The following PRIM2 variants were observed in gnomAD, a reference collection of about 807,000 sequenced individuals.
The protein encoded by PRIM2 is DNA primase large subunit.
Under a neutral mutation model 67.3 loss-of-function variants are expected in PRIM2, and 39 were observed. The observed-to-expected ratio is 0.58, with a 90% CI of 0.45 to 0.76. PRIM2 has a LOEUF of 0.76. Ranked by LOEUF, PRIM2 falls within the 30% of genes least tolerant of loss-of-function variation. The pLI is 0.00. For missense variants in PRIM2, 398 were observed against 598.7 expected (o/e 0.66, Z 3.50); for synonymous variants, 143 against 198.7 (o/e 0.72, Z 2.36).
At chr6:57,450,092 T>C (rs1392244322) in intron 7 of PRIM2, among the ~76,000 whole-genome samples, 16 of 152,166 alleles carry the variant, frequency 1.1e-4, no homozygotes, top group African/African-American at 3.4e-4. Context: ...CAACTAAATA[T>C]AAATTTTGTT....
At chr6:57,593,831 G>T (rs1776322423) in intron 10 of PRIM2, among the ~76,000 whole-genome samples, 1 of 152,260 alleles carries the variant, frequency 6.6e-6, no homozygotes, top group South Asian at 2.1e-4. Context: ...TTTCCAGTAG[G>T]CTTGGAAGAG....
chr6:57,329,115 G>A (rs1278478630), intron 5 of PRIM2, among the ~76,000 whole-genome samples: 1 of 148,848 alleles, frequency 6.7e-6, no homozygotes, highest in Non-Finnish European at 1.5e-5. Context: ...TGATGGTATT[G>A]TTTGCAACAA....
chr6:57,481,369 T>C (rs1773624282), intron 7 of PRIM2, among the ~76,000 whole-genome samples: 1 of 152,160 alleles, frequency 6.6e-6, no homozygotes, highest in Non-Finnish European at 1.5e-5. Flanking sequence ...CATTTTAAGA[T>C]TGGCTGTTTT....
intron 10 of PRIM2, among the ~76,000 whole-genome samples, chr6:57,547,350 G>A (rs1271385682): frequency 1.3e-5 from 2 of 152,084 alleles, no homozygotes; most frequent in African/African-American, 2.4e-5. Context: ...CAGATAGTGA[G>A]CATAGTACCC....
intron 7 of PRIM2, among the ~76,000 whole-genome samples, chr6:57,438,777 C>CT (rs1021545964): frequency 2.6e-4 from 38 of 147,688 alleles, no homozygotes; most frequent in Admixed American, 4.7e-4. Context: ...TTTTTTTTTT[C>CT]TTTTTTTTTG....
chr6:57,520,632 T>C (rs1774592219), intron 8 of PRIM2, among the ~76,000 whole-genome samples: 1 of 152,232 alleles, frequency 6.6e-6, no homozygotes, highest in Non-Finnish European at 1.5e-5. Context: ...GTGTGTATTT[T>C]ACTTTTAAAA....
At chr6:57,432,965 AT>A (rs764041990) in intron 7 of PRIM2, among the ~76,000 whole-genome samples, 226 of 152,354 alleles carry the variant, frequency 1.5e-3, no homozygotes, top group Non-Finnish European at 3.5e-4. Context: ...AAATTCTACC[AT>A]TAGTACTTGC....
the PRIM2 span, among the ~76,000 whole-genome samples, chr6:57,250,247 T>C: frequency 6.6e-6 from 1 of 152,226 alleles, no homozygotes; most frequent in Non-Finnish European, 1.5e-5. Context: ...ATATGTGTCA[T>C]TTTTCTAGTG....
At chr6:57,479,475 CTG>C (rs1370365723) in intron 7 of PRIM2, among the ~76,000 whole-genome samples, 2 of 152,136 alleles carry the variant, frequency 1.3e-5, no homozygotes, top group Admixed American at 1.3e-4. Flanking sequence ...CAGGTCTTAA[CTG>C]AGAGAGAACT....
chr6:57,536,207 T>C (rs1692642917), intron 9 of PRIM2, among the ~76,000 whole-genome samples: 3 of 152,192 alleles, frequency 2.0e-5, no homozygotes, highest in Admixed American at 2.0e-4. Flanking sequence ...CTCTTTCTTA[T>C]AGATGAAGTG....
the PRIM2 span, among the ~76,000 whole-genome samples, chr6:57,229,689 A>G: frequency 2.0e-5 from 3 of 151,948 alleles, no homozygotes; most frequent in Non-Finnish European, 2.9e-5. Context: ...ACAGGGTTTC[A>G]CCATGTTGGC....
chr6:57,296,334 A>G, the PRIM2 span, among the ~76,000 whole-genome samples: 1 of 152,132 alleles, frequency 6.6e-6, no homozygotes, highest in African/African-American at 2.4e-5. Flanking sequence ...TACTTTATAT[A>G]TATATATTAT....
intron 10 of PRIM2, among the ~76,000 whole-genome samples, chr6:57,554,635 G>A (rs1287132547): frequency 0.58 from 88,828 of 151,996 alleles, 27,674 homozygotes; most frequent in African/African-American, 0.81. Flanking sequence ...AAGTTTTTAT[G>A]TTCTCCCCAC....
chr6:57,284,870 T>C, the PRIM2 span, among the ~76,000 whole-genome samples: 2 of 152,086 alleles, frequency 1.3e-5, no homozygotes, highest in South Asian at 2.1e-4. Flanking sequence ...ACAAAAAATA[T>C]AGACCACTAG....
At chr6:57,333,118 T>C (rs1232556747) in intron 5 of PRIM2, among the ~76,000 whole-genome samples, 1 of 152,192 alleles carries the variant, frequency 6.6e-6, no homozygotes, top group Non-Finnish European at 1.5e-5. Context: ...TAAGTTAATT[T>C]CAATAGTGTA....
At chr6:57,546,606 C>T (rs1212515036) in intron 10 of PRIM2, among the ~76,000 whole-genome samples, 2 of 151,794 alleles carry the variant, frequency 1.3e-5, no homozygotes, top group African/African-American at 4.8e-5. Context: ...TACTCATTCA[C>T]TTAGGCTTTT....
chr6:57,473,099 T>G (rs1211298114), intron 7 of PRIM2, among the ~76,000 whole-genome samples: 2 of 152,230 alleles, frequency 1.3e-5, no homozygotes, highest in Non-Finnish European at 2.9e-5. Flanking sequence ...ATTCTCCCTT[T>G]GAAGAAGAAT....
intron 10 of PRIM2, among the ~76,000 whole-genome samples, chr6:57,556,612 T>A (rs1279502477): frequency 6.6e-6 from 1 of 152,172 alleles, no homozygotes; most frequent in Non-Finnish European, 1.5e-5. Flanking sequence ...GACCCTTTCC[T>A]TACACCATAT....
At chr6:57,373,593 G>A (rs7774161) in intron 5 of PRIM2, among the ~76,000 whole-genome samples, 4,354 of 152,234 alleles carry the variant, frequency 0.029, 200 homozygotes, top group African/African-American at 0.099. Flanking sequence ...TTACATTTAA[G>A]TATTTAATCC....
Sources: gnomAD v4.1 joint callset for allele counts (sites outside exome capture counted in the v4.1 genomes callset) on GRCh38, gnomAD v4.1.1 for gene constraint, MANE v1.5 for transcripts, NCBI Gene and HGNC (gene_info 2026-07-23, HGNC 2026-07-21) for gene names.